Variants in LPA observed in about 807,000 individuals in gnomAD.
The protein encoded by LPA is apolipoprotein(a).
In LPA, 199 loss-of-function variants were observed where a neutral mutation model predicts 197.9. The observed-to-expected ratio is 1.01, with a 90% CI of 0.90 to 1.13. LPA has a LOEUF of 1.13. LPA is among the 50% of genes most tolerant of loss of function. LPA has a pLI of 0.00. For missense variants in LPA, 1,853 were observed against 1,785.8 expected, an observed-to-expected ratio of 1.04 and a Z score of -0.68; for synonymous variants, 715 against 639.5, an observed-to-expected ratio of 1.12 and a Z score of -1.78.
At chr6:160,605,334 T>C in intron 17 of LPA, 129 bp from the exon 18 acceptor site, 2 of 1,137,566 alleles carry the variant, frequency 1.8e-6, no homozygotes, top group Non-Finnish European at 1.3e-6. Context: ...ACAAGTAACA[T>C]TCTTGTTTCT....
rs762273541 is a variant in LPA at position 160,548,623 on chromosome 6, G to T, written c.5010C>A (p.Ala1670=). The change falls in exon 31 of 39, where the codon GCC becomes GCA. Residue 1670 remains alanine, a synonymous_variant. Transcript: ENST00000316300. Reference sequence around the variant, plus strand: ...TGGTAAAACACCAAGGGCCTGTATCGGCATCTGGATTCCTGCAGTAGTTCA... The same window carrying T: ...TGGTAAAACACCAAGGGCCTGTATCTGCATCTGGATTCCTGCAGTAGTTCA... ...LTMNYCRNPD[A]DTGPWCFTMD... is the part of the protein sequence containing the mutation. 3.1e-6 allele frequency: 5 copies of T among 1,614,032 alleles called. No individual in the cohort carries two copies. Among genetic ancestry groups the T allele is most frequent in the Non-Finnish European group, 4.2e-6 (5 of 1,179,988 alleles).
intron 24 of LPA, among the ~76,000 whole-genome samples, chr6:160,587,559 G>A (rs1778934436): frequency 6.6e-6 from 1 of 152,044 alleles, no homozygotes; most frequent in Non-Finnish European, 1.5e-5. Context: ...CTATACCTGA[G>A]TCATTTAGCT....
intron 37 of LPA, among the ~76,000 whole-genome samples, chr6:160,533,295 AAT>A (rs1244833460): frequency 6.6e-6 from 1 of 152,222 alleles, no homozygotes; most frequent in Non-Finnish European, 1.5e-5. Flanking sequence ...AATAAAAAAG[AAT>A]AGTCATCATT....
At chr6:160,609,945 A>G (rs1779452593) in intron 16 of LPA, among the ~76,000 whole-genome samples, 2 of 152,136 alleles carry the variant, frequency 1.3e-5, no homozygotes, top group African/African-American at 2.4e-5. Context: ...TCTTCATTTA[A>G]GACATACTTT....
chr6:160,553,979 G>T (rs1234925962), intron 30 of LPA, among the ~76,000 whole-genome samples: 2 of 151,136 alleles, frequency 1.3e-5, no homozygotes, highest in African/African-American at 4.9e-5. Context: ...GTGCGTGTGT[G>T]TGTGTCTTAC....
In LPA at chr6:160,657,337, A is replaced by G. The variant is rs930238868; in HGVS notation, c.49+6829T>C. On this transcript the variant is annotated intron_variant, in intron 1 of 38. Coordinates refer to ENST00000316300, the MANE Select transcript of LPA (RefSeq NM_005577.4). ...CATTAAACCAAGGCATTTCCAGCTC[A>G]CTAACATTGGACCATCTTTTAATCC... 2.6e-5 allele frequency among the ~76,000 whole-genome samples: 4 copies of G among 151,880 alleles called. No homozygotes were observed. The East Asian group carries it at 7.7e-4, about 29-fold the overall frequency.
rs543437805 is a variant in LPA at position 160,561,003 on chromosome 6, C to T, written c.4632-3432G>A. ...TGGCTTGCTGCAAGCTCAACCTCCT[C>T]AGCTCATGCCATTCTCCTGCCTCAG... is the stretch of plus-strand genomic sequence containing the variant. On this transcript the variant is annotated intron_variant, in intron 28 of 38. Transcript: ENST00000316300. Among the ~76,000 whole-genome samples, 4 of 152,108 alleles carry T rather than the reference C, an allele frequency of 2.6e-5. No homozygotes were observed. The East Asian group carries it at 7.7e-4, about 29-fold the overall frequency.
At chr6:160,604,977 A>G in intron 18 of LPA, 69 bp downstream of exon 18, 1 of 1,602,224 alleles carries the variant, frequency 6.2e-7, no homozygotes, top group Non-Finnish European at 8.5e-7. Flanking sequence ...ACTCAGCTTG[A>G]AGCATGACTC....
intron 28 of LPA, among the ~76,000 whole-genome samples, chr6:160,566,793 G>A (rs998451185): frequency 6.6e-6 from 1 of 152,150 alleles, no homozygotes; most frequent in African/African-American, 2.4e-5. Flanking sequence ...AGGGATGGAG[G>A]AAGATCTACC....
intron 23 of LPA, 107 bp downstream of exon 23, chr6:160,590,837 A>C: frequency 2.1e-6 from 3 of 1,461,564 alleles, no homozygotes; most frequent in African/African-American, 2.8e-5. Flanking sequence ...CCCTGAGTCC[A>C]CATTCAGATT....
chr6:160,585,166 C>T lies in LPA; in HGVS notation c.4169G>A (p.Arg1390Gln), dbSNP rs201730323. 41 of 1,613,760 alleles carry T rather than the reference C, an allele frequency of 2.5e-5. No individual in the cohort carries two copies. Among genetic ancestry groups the T allele is most frequent in the African/African-American group, 6.7e-5 (5 of 74,994 alleles). Residue 1390 changes from arginine (R) to glutamine (Q), a missense_variant, in exon 26 of 39, where the codon CGA becomes CAA. Transcript: ENST00000316300. Reference sequence around the variant, plus strand: ...GCCTCGATAACTCTGTCCATCACCTCGGTAGCAGTCCTGGACCCCAGTGCT... The same window carrying T: ...GCCTCGATAACTCTGTCCATCACCTTGGTAGCAGTCCTGGACCCCAGTGCT... Reference protein sequence around the residue: ...ENSTGVQDCYRGDGQSYRGTL... With the variant: ...ENSTGVQDCYQGDGQSYRGTL...
At chr6:160,611,522 T>A in intron 16 of LPA, 40 bp downstream of exon 16, 1 of 1,606,034 alleles carries the variant, frequency 6.2e-7, no homozygotes, top group Non-Finnish European at 8.5e-7. Flanking sequence ...GAAACTTCAG[T>A]TGGCCCTTTA....
intron 1 of LPA, among the ~76,000 whole-genome samples, chr6:160,655,843 C>T (rs953815204): frequency 1.3e-5 from 2 of 152,080 alleles, no homozygotes; most frequent in African/African-American, 4.8e-5. Context: ...AAGTGAAAAG[C>T]GAGCAAGGTC....
chr6:160,647,265 C>A (rs1033510243), intron 2 of LPA, among the ~76,000 whole-genome samples: 1 of 152,210 alleles, frequency 6.6e-6, no homozygotes, highest in Non-Finnish European at 1.5e-5. Flanking sequence ...GAGCAAAAAA[C>A]AATGAATTAG....
At position 160,606,099 on chromosome 6, in the gene LPA, A is replaced by C. The variant is rs118092535; in HGVS notation, c.2785+378T>G. On this transcript the variant is annotated intron_variant, in intron 17 of 38. Transcript: ENST00000316300. ...TTTCTCTGAATCTGCAATGCTGAAG[A>C]TTGCACTGAATGCTGGCTAATTGAA... 3.7e-3 allele frequency among the ~76,000 whole-genome samples: 566 copies of C among 152,332 alleles called. 4 individuals carry two copies. The highest frequency in any genetic ancestry group is 5.8e-3 in the Non-Finnish European group (396 of 68,032).
Position 160,610,636 on chromosome 6 carries a change from TA to T in LPA, c.2603+925del, listed in dbSNP as rs930530613. Among the ~76,000 whole-genome samples, 75 of 152,302 alleles carry T rather than the reference TA, an allele frequency of 4.9e-4. 1 individual carries two copies. The highest frequency in any genetic ancestry group is 1.7e-3 in the African/African-American group (71 of 41,528). On this transcript the variant is annotated intron_variant, in intron 16 of 38. Coordinates refer to ENST00000316300, the MANE Select transcript of LPA (RefSeq NM_005577.4). ...TGGAGGAGACTTCTATGCGTATTTG[TA>T]GAGCTCCTTTCCTCCACAAACCAGT...
intron 24 of LPA, among the ~76,000 whole-genome samples, chr6:160,587,785 GTGTGTGTGTGTGTGTT>G (rs1249113207): frequency 3.0e-4 from 37 of 121,992 alleles, no homozygotes; most frequent in East Asian, 1.4e-3. Flanking sequence ...GTGTGTGTGT[GTGTGTGTGTGTGTGTT>G]TCTGTCTGTT....
rs1012298292 is a variant in LPA, at chr6:160,611,483, A to T, written c.2603+79T>A. 3.2e-6 allele frequency: 5 copies of T among 1,581,148 alleles called. No homozygotes were observed. The African/African-American group carries it at 6.7e-5, about 21-fold the overall frequency. On this transcript the variant is annotated intron_variant, in intron 16 of 38. Coordinates refer to ENST00000316300, the MANE Select transcript of LPA (RefSeq NM_005577.4). ...ATCTGACACAAGTTGAGTTCGGAGA[A>T]CTCAGCTTGAAGCATGTCTCTTGTC...
At chr6:160,552,546 T>A (rs116095335) in intron 30 of LPA, among the ~76,000 whole-genome samples, 1 of 152,220 alleles carries the variant, frequency 6.6e-6, no homozygotes, top group Non-Finnish European at 1.5e-5. Context: ...GATCATAGCA[T>A]GTATACAGAA....
Sources: allele counts gnomAD v4.1 joint callset (sites outside exome capture counted in the v4.1 genomes callset), GRCh38; gene constraint gnomAD v4.1.1; transcripts MANE v1.5; gene names NCBI Gene and HGNC (gene_info 2026-07-23, HGNC 2026-07-21).